Variants in MIER1 observed in about 807,000 individuals in gnomAD.
MIER1 encodes the protein MIER1 transcriptional regulator, also known as mesoderm induction early response protein 1.
In MIER1, 40 loss-of-function variants were observed where a neutral mutation model predicts 75.7. The ratio of observed to expected loss-of-function variants is 0.53; its 90% confidence interval spans 0.41 to 0.69. The LOEUF (loss-of-function observed/expected upper bound fraction) is 0.69. MIER1 is among the 30% of genes least tolerant of loss of function. The pLI is 0.00. For synonymous variants in MIER1, 213 were observed against 223.4 expected, an observed-to-expected ratio of 0.95 and a Z score of 0.42; for missense variants, 574 against 680.2, an observed-to-expected ratio of 0.84 and a Z score of 1.74.
intron 12 of MIER1, 132 bp downstream of exon 12, chr1:66,976,854 A>C: frequency 1.4e-6 from 1 of 710,942 alleles, no homozygotes; most frequent in African/African-American, 1.8e-5. Context: ...CGAGAGTGAT[A>C]AAATCTTGCT....
chr1:66,969,539 C>T (rs955798892), intron 8 of MIER1, among the ~76,000 whole-genome samples: 3 of 75,248 alleles, frequency 4.0e-5, no homozygotes, highest in Non-Finnish European at 6.8e-5. Flanking sequence ...AGCAAGACTT[C>T]GTCTCCAAAA....
rs1428326958 is a variant in MIER1, at chr1:66,985,455, G to A, written c.*555G>A. Reference sequence around the variant, plus strand: ...TAGCATGATTTTTTTATATATAGAAGTTTAAAAATAAACCAGGTCAGGTTT... The same window carrying A: ...TAGCATGATTTTTTTATATATAGAAATTTAAAAATAAACCAGGTCAGGTTT... On this transcript the variant is annotated 3_prime_UTR_variant, in exon 14 of 14. Coordinates refer to ENST00000401041, the MANE Select transcript of MIER1 (RefSeq NM_001077700.3). The A allele has an allele frequency of 3.1e-6, 3 of 983,060 alleles. No homozygotes were observed. In the African/African-American group the frequency reaches 5.3e-5, roughly 17 times the overall value. 60.9% of individuals were successfully genotyped at this position (983,060 alleles called of 1,614,324 possible).
At chr1:66,950,752 T>C in intron 4 of MIER1, among the ~76,000 whole-genome samples, 1 of 152,154 alleles carries the variant, frequency 6.6e-6, no homozygotes, top group South Asian at 2.1e-4. Flanking sequence ...GTGAGGATTA[T>C]AAAGAAGAGT....
intron 13 of MIER1, among the ~76,000 whole-genome samples, chr1:66,984,252 T>A (rs1419303735): frequency 6.6e-6 from 1 of 152,242 alleles, no homozygotes; most frequent in Non-Finnish European, 1.5e-5. Context: ...TTGTTTGCTG[T>A]CACATATACC....
rs1314188012 is a variant in MIER1, at chr1:66,970,877, T to C, written c.842T>C (p.Leu281Pro). Residue 281 changes from leucine to proline, a missense_variant, in exon 9 of 14, where the codon CTT becomes CCT. Leu to Pro is a moderately conservative substitution (Grantham distance 98, BLOSUM62 -3). Transcript: ENST00000401041. Reference sequence around the variant, plus strand: ...CCAGAAGATAAAGTGATTATATTTCTTAAAGATGCATCTAGAAGAACAGGT... The same window carrying C: ...CCAGAAGATAAAGTGATTATATTTCCTAAAGATGCATCTAGAAGAACAGGT... ...YLPEDKVIIF[L>P]KDASRRTGDE... 1 of 1,599,422 alleles carries C rather than the reference T, an allele frequency of 6.3e-7. No homozygotes were observed. The highest frequency in any genetic ancestry group is 8.5e-7 in the Non-Finnish European group (1 of 1,175,340).
At position 66,925,015 on chromosome 1, in the gene MIER1, C is replaced by A. The variant is rs1651118223; in HGVS notation, c.-14C>A. ...AGGCCCCTCCCAGGCTCTGAGTCTC[C>A]CGGCTGCAGGCGGATGGATGGGGCT... On this transcript the variant is annotated 5_prime_UTR_variant, in exon 1 of 14. Transcript: ENST00000401041. 6.5e-7 allele frequency: 1 copy of A among 1,545,778 alleles called. No individual in the cohort carries two copies.
At chr1:66,969,394 AC>A (rs1185664060) in intron 8 of MIER1, among the ~76,000 whole-genome samples, 1 of 151,526 alleles carries the variant, frequency 6.6e-6, no homozygotes, top group African/African-American at 2.4e-5. Flanking sequence ...AAATACAAAA[AC>A]CTAGCCAGGT....
At chr1:66,949,789 G>A (rs568194219) in intron 4 of MIER1, among the ~76,000 whole-genome samples, 2 of 152,338 alleles carry the variant, frequency 1.3e-5, no homozygotes, top group Admixed American at 1.3e-4. Flanking sequence ...GGGATTGATA[G>A]TGTTTTTCAC....
In MIER1 at chr1:66,985,429, C is replaced by A; in HGVS notation, c.*529C>A. 1.0e-6 allele frequency: 1 copy of A among 983,218 alleles called. No individual in the cohort carries two copies. The highest frequency in any genetic ancestry group is 1.2e-6 in the Non-Finnish European group (1 of 827,886). The allele number at this position is 983,218 out of a possible 1,614,324, so 60.9% of individuals were successfully genotyped here. On this transcript the variant is annotated 3_prime_UTR_variant, in exon 14 of 14. Coordinates refer to ENST00000401041, the MANE Select transcript of MIER1 (RefSeq NM_001077700.3). ...ACCCTTACGAATCCTGAAAATTATG[C>A]TAGCATGATTTTTTTATATATAGAA...
At position 66,987,354 on chromosome 1, in the gene MIER1, AAAG is replaced by A. The variant is rs760788902; in HGVS notation, c.*2458_*2460del. On this transcript the variant is annotated 3_prime_UTR_variant, in exon 14 of 14. Transcript: ENST00000401041. Reference sequence around the variant, plus strand: ...GAACTTTTGACAAATTGCATTGGAAAAAGAAGTCTGTTAATAGTGATTTAGTCT... The same window carrying A: ...GAACTTTTGACAAATTGCATTGGAAAAAGTCTGTTAATAGTGATTTAGTCT... The A allele has an allele frequency of 5.2e-5, 8 of 152,674 alleles. No individual in the cohort carries two copies. Among genetic ancestry groups the A allele is most frequent in the Non-Finnish European group, 8.8e-5 (6 of 67,960 alleles). 9.5% of individuals were successfully genotyped at this position (152,674 alleles called of 1,614,324 possible).
chr1:66,944,047 A>G (rs1656887565), intron 3 of MIER1, among the ~76,000 whole-genome samples: 1 of 151,910 alleles, frequency 6.6e-6, no homozygotes, highest in East Asian at 1.9e-4. Context: ...GGATTATTTG[A>G]AGATTAATTG....
intron 4 of MIER1, among the ~76,000 whole-genome samples, chr1:66,956,323 A>G (rs980382879): frequency 5.9e-5 from 9 of 152,146 alleles, no homozygotes; most frequent in Non-Finnish European, 1.3e-4. Context: ...TGGGAGGCTG[A>G]GGTGGGAGGA....
At chr1:66,945,309 AT>A (rs1294099885) in intron 3 of MIER1, among the ~76,000 whole-genome samples, 17 of 79,332 alleles carry the variant, frequency 2.1e-4, no homozygotes, top group Admixed American at 2.9e-4. Context: ...ATATATATAT[AT>A]ATATATAAAA....
rs1309609493 is a variant in MIER1 at position 66,986,440 on chromosome 1, C to T, written c.*1540C>T. 6.2e-7 allele frequency: 1 copy of T among 1,612,400 alleles called. No homozygotes were observed. Among genetic ancestry groups the T allele is most frequent in the Non-Finnish European group, 8.5e-7 (1 of 1,179,270 alleles). On this transcript the variant is annotated 3_prime_UTR_variant, in exon 14 of 14. Transcript: ENST00000401041. ...TGCTTCTTCCAGTTCATTTTTCAGC[C>T]ATCAGTTCAAGAGCCAATGCCTTTT... is the stretch of plus-strand genomic sequence containing the variant.
At chr1:66,943,764 T>TAA (rs1656811675) in intron 3 of MIER1, among the ~76,000 whole-genome samples, 1 of 152,192 alleles carries the variant, frequency 6.6e-6, no homozygotes, top group Non-Finnish European at 1.5e-5. Flanking sequence ...ACAATGATGT[T>TAA]AAGTGCTTTG....
chr1:66,945,342 A>G (rs1045124922), intron 3 of MIER1, among the ~76,000 whole-genome samples: 2 of 150,042 alleles, frequency 1.3e-5, no homozygotes, highest in African/African-American at 2.4e-5. Flanking sequence ...GGTAAATGCT[A>G]TGTAAATAGT....
chr1:66,934,132 A>G (rs1007164558), intron 2 of MIER1, among the ~76,000 whole-genome samples: 2 of 152,242 alleles, frequency 1.3e-5, no homozygotes, highest in African/African-American at 4.8e-5. Flanking sequence ...AGATTTTTTT[A>G]ACAGTCCTAG....
chr1:66,946,068 C>T, intron 3 of MIER1, 82 bp from the exon 4 acceptor site: 1 of 1,283,898 alleles, frequency 7.8e-7, no homozygotes, highest in Non-Finnish European at 1.1e-6. Context: ...TTACATCCAG[C>T]ATCAAATAAA....
chr1:66,953,766 G>A (rs1460320722), intron 4 of MIER1, among the ~76,000 whole-genome samples: 2 of 151,694 alleles, frequency 1.3e-5, no homozygotes, highest in Admixed American at 6.6e-5. Context: ...ACCATGCCTG[G>A]CTAACTTTTG....
Sources: gnomAD v4.1 joint callset for allele counts (sites outside exome capture counted in the v4.1 genomes callset) on GRCh38, gnomAD v4.1.1 for gene constraint, MANE v1.5 for transcripts, NCBI Gene and HGNC (gene_info 2026-07-23, HGNC 2026-07-21) for gene names.